ITGA7: variants seen among roughly 807,000 people sequenced by gnomAD.
The protein encoded by ITGA7 is integrin alpha-7.
A neutral mutation model predicts 131.6 loss-of-function variants in ITGA7; 84 were observed. That is an observed-to-expected ratio of 0.64 (90% CI 0.54 to 0.77). ITGA7 has a LOEUF of 0.77. Ranked by LOEUF, ITGA7 falls within the 30% of genes least tolerant of loss-of-function variation. ITGA7 has a pLI of 0.00. For synonymous variants in ITGA7, 548 were observed against 600.7 expected (o/e 0.91, Z 1.28); for missense variants, 1,399 against 1,482.9 (o/e 0.94, Z 0.93).
chr12:55,700,901 T>C lies in ITGA7; in HGVS notation c.668A>G (p.Lys223Arg), dbSNP rs1263731616. The part of the protein sequence containing the change: ...LFGAPGTYNW[K>R]GLLFVTNIDS... ...CCCCTTCCCGAGGAGTGACTCACCC[T>C]TCCAATTATAGGTTCCTGGGGCCCC... is the stretch of plus-strand genomic sequence containing the variant. Residue 223 changes from lysine to arginine, a missense_variant and splice_region_variant, in exon 4 of 25, where the codon AAG becomes AGG. Physicochemically the swap from Lys to Arg is conservative, Grantham distance 26. Coordinates refer to ENST00000257879, the MANE Select transcript of ITGA7 (RefSeq NM_002206.3). 1.2e-6 allele frequency: 2 copies of C among 1,614,172 alleles called. No individual in the cohort carries two copies. The highest frequency in any genetic ancestry group is 1.7e-5 in the Admixed American group (1 of 60,028).
rs141394563 is a variant in ITGA7, at chr12:55,694,430, C to T, written c.2357+13G>A. 9 of 1,614,030 alleles carry T rather than the reference C, an allele frequency of 5.6e-6. No homozygotes were observed. The African/African-American group carries it at 9.3e-5, about 17-fold the overall frequency. On this transcript the variant is annotated intron_variant, in intron 17 of 24. Coordinates refer to ENST00000257879, the MANE Select transcript of ITGA7 (RefSeq NM_002206.3). This position sits in a 1 kb window ranked among gnomAD's most constrained non-coding sequence, Gnocchi z 5.3. ...CTACCCCCACCTCACCCTTCCGGCCCCGCCTGGCTTACGTGGCCAACAGCA... is the reference window on the plus strand; with the variant it reads ...CTACCCCCACCTCACCCTTCCGGCCTCGCCTGGCTTACGTGGCCAACAGCA...
chr12:55,695,729 G>A (rs1872509155), intron 13 of ITGA7, 92 bp from the exon 14 acceptor site: 3 of 854,060 alleles, frequency 3.5e-6, no homozygotes, highest in Non-Finnish European at 6.1e-6. Flanking sequence ...GAGTATCACA[G>A]GATTAAACAA....
intron 4 of ITGA7, chr12:55,700,206 G>T: frequency 6.4e-7 from 1 of 1,557,880 alleles, no homozygotes; most frequent in Non-Finnish European, 8.7e-7. Flanking sequence ...GGAGAGAGAG[G>T]ACAAGAGAGA....
chr12:55,696,527 G>A, intron 12 of ITGA7, 95 bp from the exon 13 acceptor site: 4 of 1,362,284 alleles, frequency 2.9e-6, no homozygotes, highest in South Asian at 2.5e-5. Flanking sequence ...TCTAAAACTT[G>A]GAAAGAATAT....
Position 55,703,097 on chromosome 12 carries a change from C to T in ITGA7, c.288G>A (p.Leu96=), listed in dbSNP as rs1189005552. The change falls in exon 2 of 25, where the codon TTG becomes TTA. Residue 96 remains leucine (L), a synonymous_variant. Transcript: ENST00000257879. ...NRTGGLFACP[L]SLEETDCYRV... ...TGTAGCAGTCAGTCTCCTCCAGGCT[C>T]AACGGGCAAGCGAAGAGGCCTCCAG... The T allele has an allele frequency of 6.2e-7, 1 of 1,614,098 alleles. No homozygotes were observed. The highest frequency in any genetic ancestry group is 2.2e-5 in the East Asian group (1 of 44,860).
chr12:55,699,350 T>A (rs1469507763), intron 5 of ITGA7, among the ~76,000 whole-genome samples: 1 of 152,104 alleles, frequency 6.6e-6, no homozygotes, highest in East Asian at 1.9e-4. Flanking sequence ...GTGCACCTCT[T>A]TCCCCCAACT....
chr12:55,685,349 G>T, intron 24 of ITGA7, 61 bp from the exon 25 acceptor site: 1 of 1,439,292 alleles, frequency 6.9e-7, no homozygotes, highest in Non-Finnish European at 9.7e-7. Flanking sequence ...TGGAGCAGAT[G>T]CCTAGCGCGG....
Position 55,695,533 on chromosome 12 carries a change from T to C in ITGA7, c.1992A>G (p.Gln664=). 1 of 1,435,056 alleles carries C rather than the reference T, an allele frequency of 7.0e-7. No homozygotes were observed. The highest frequency in any genetic ancestry group is 9.5e-7 in the Non-Finnish European group (1 of 1,055,610). 88.9% of individuals were successfully genotyped at this position (1,435,056 alleles called of 1,614,324 possible). Residue 664 remains glutamine (Q), a synonymous_variant, in exon 14 of 25, where the codon CAA becomes CAG. Transcript: ENST00000257879. ...TCTGCCCCCCTCACATGGGCAGAGG[T>C]TGGAATTCCGTGTCGCTGACCCGGG... ...FCTRVSDTEF[Q]PLPMDVDGTT... is the part of the protein sequence containing the mutation.
Position 55,707,644 on chromosome 12 carries a change from G to A in ITGA7, c.39C>T (p.Ser13=), listed in dbSNP as rs745844094. The A allele has an allele frequency of 1.9e-5, 31 of 1,600,120 alleles. No homozygotes were observed. Among genetic ancestry groups the A allele is most frequent in the Non-Finnish European group, 2.5e-5 (29 of 1,173,284 alleles). Residue 13 remains serine, a synonymous_variant, in exon 1 of 25, where the codon TCC becomes TCT. Transcript: ENST00000257879. ...GGGAGCCAAAAAGGTAGCAAATCCC[G>A]GAGGCCCCCCAAGGGTCGCGGCTCC... ...GARSRDPWGA[S]GICYLFGSLL... is the part of the protein sequence containing the mutation.
At chr12:55,704,934 A>C (rs1052762391) in intron 1 of ITGA7, among the ~76,000 whole-genome samples, 1 of 152,212 alleles carries the variant, frequency 6.6e-6, no homozygotes, top group African/African-American at 2.4e-5. Context: ...CAAACATAGA[A>C]GTGGCCATCT....
chr12:55,704,776 A>C (rs1874826544), intron 1 of ITGA7, among the ~76,000 whole-genome samples: 1 of 152,194 alleles, frequency 6.6e-6, no homozygotes, highest in Admixed American at 6.5e-5. Context: ...CCAGTGACTG[A>C]CCTGTCTCTA....
chr12:55,699,800 T>C, intron 5 of ITGA7, 70 bp downstream of exon 5: 1 of 1,546,716 alleles, frequency 6.5e-7, no homozygotes, highest in East Asian at 2.4e-5. Flanking sequence ...GCACCAAAGG[T>C]CGAGTTCCCT....
intron 24 of ITGA7, among the ~76,000 whole-genome samples, chr12:55,687,357 G>T (rs1467694771): frequency 6.8e-5 from 10 of 147,182 alleles, no homozygotes; most frequent in African/African-American, 2.3e-4. Context: ...TTTTTTATTT[G>T]TTTGTATTTT....
At position 55,684,857 on chromosome 12, in the gene ITGA7, C is replaced by T; in HGVS notation, c.*201G>A. On this transcript the variant is annotated 3_prime_UTR_variant, in exon 25 of 25. Coordinates refer to ENST00000257879, the MANE Select transcript of ITGA7 (RefSeq NM_002206.3). ...ACCCCATGGCCCTGTCCCTGATTTA[C>T]CCACTCTCATCTCACAGCACTCTAA... 1.7e-6 allele frequency: 1 copy of T among 591,760 alleles called. No homozygotes were observed. The highest frequency in any genetic ancestry group is 3.0e-6 in the Non-Finnish European group (1 of 333,486). 36.7% of individuals were successfully genotyped at this position (591,760 alleles called of 1,614,324 possible).
upstream of ITGA7, chr12:55,716,382 C>T: frequency 5.6e-6 from 8 of 1,426,138 alleles, no homozygotes; most frequent in Non-Finnish European, 7.3e-6. Context: ...TGGCTCCGGT[C>T]CCTTGGGCAA....
At chr12:55,707,951 C>A (rs945133471), upstream of ITGA7, 13 of 1,336,366 alleles carry the variant, frequency 9.7e-6, no homozygotes, top group East Asian at 4.3e-4. Context: ...GGCCCCGCCT[C>A]CGGCCCCGCC....
At position 55,688,189 on chromosome 12, in the gene ITGA7, C is replaced by A. The variant is rs1430867762; in HGVS notation, c.3057+13G>T. 5.0e-6 allele frequency: 8 copies of A among 1,613,886 alleles called. No homozygotes were observed. In the East Asian group the frequency reaches 1.8e-4, roughly 36 times the overall value. On this transcript the variant is annotated intron_variant, in intron 23 of 24. Transcript: ENST00000257879. ...AGAGTCCTCCCCACCTATCCCCCAA[C>A]CCTGCAGCTCACCACTGTGGAGGCA...
intron 4 of ITGA7, chr12:55,700,519 C>T: frequency 2.5e-6 from 3 of 1,200,568 alleles, no homozygotes; most frequent in African/African-American, 3.1e-5. Context: ...CCACCCTGTC[C>T]CCAACCCAGG....
intron 22 of ITGA7, 79 bp from the exon 23 acceptor site, chr12:55,688,379 A>C: frequency 2.9e-6 from 3 of 1,023,888 alleles, no homozygotes; most frequent in Non-Finnish European, 4.6e-6. Context: ...GAAATTATAA[A>C]TGTAATGGTG....
Sources: allele counts gnomAD v4.1 joint callset (sites outside exome capture counted in the v4.1 genomes callset), GRCh38; gene constraint gnomAD v4.1.1; non-coding constraint Gnocchi (gnomAD v3.1); transcripts MANE v1.5; gene names NCBI Gene and HGNC (gene_info 2026-07-23, HGNC 2026-07-21).